Variants in ADAMTS2 observed in about 807,000 individuals in gnomAD.
The protein encoded by ADAMTS2 is A disintegrin and metalloproteinase with thrombospondin motifs 2.
In ADAMTS2, 50 loss-of-function variants were observed where a neutral mutation model predicts 123.0. The observed-to-expected ratio is 0.41, with a 90% confidence interval of 0.32 to 0.51. ADAMTS2 has a LOEUF of 0.51. ADAMTS2 is among the 20% of genes least tolerant of loss of function. ADAMTS2 has a pLI of 0.35. For synonymous variants in ADAMTS2, 678 were observed against 695.4 expected (o/e 0.98, Z 0.39); for missense variants, 1,494 against 1,705.2 (o/e 0.88, Z 2.18).
At chr5:179,206,034 C>T (rs439252) in intron 4 of ADAMTS2, among the ~76,000 whole-genome samples, 35,396 of 152,088 alleles carry the variant, frequency 0.23, 4,393 homozygotes, top group Middle Eastern at 0.32. Context: ...GCTGGGATTA[C>T]AGGCGTGAGC....
Position 179,121,676 on chromosome 5 carries a change from G to A in ADAMTS2, c.3163C>T (p.Arg1055Trp), listed in dbSNP as rs760609413. Residue 1055 changes from arginine to tryptophan, a missense_variant, in exon 21 of 22, where the codon CGG (arginine) becomes TGG (tryptophan). By Grantham distance (101) the Arg-to-Trp change is moderately radical. Coordinates refer to ENST00000251582, the MANE Select transcript of ADAMTS2 (RefSeq NM_014244.5). ...GGTCGGTTACTTGACGAGATCTTCC[G>A]GATGGGCGAGTCGGGGTCCGGGCGG... Reference protein sequence around the residue: ...LSRPDPDSPIRKISSKGHCQG... With the variant: ...LSRPDPDSPIWKISSKGHCQG... 3 of 1,599,710 alleles carry A rather than the reference G, an allele frequency of 1.9e-6. No homozygotes were observed. Among genetic ancestry groups the A allele is most frequent in the Non-Finnish European group, 1.7e-6 (2 of 1,173,078 alleles).
In ADAMTS2 at chr5:179,215,558, A is replaced by G. The variant is rs928953274; in HGVS notation, c.689-7843T>C. Among the ~76,000 whole-genome samples the G allele has an allele frequency of 3.3e-5, 5 of 152,234 alleles. No homozygotes were observed. The South Asian group carries it at 8.3e-4, about 25-fold the overall frequency. On this transcript the variant is annotated intron_variant, in intron 3 of 21. Transcript: ENST00000251582. Reference sequence around the variant, plus strand: ...CAGATATCTGATTTGGCTCCTTTCTAGAATCCCATTAAAAGTTCAGTAAAG... The same window carrying G: ...CAGATATCTGATTTGGCTCCTTTCTGGAATCCCATTAAAAGTTCAGTAAAG...
chr5:179,223,742 AGT>A (rs1349527376), intron 3 of ADAMTS2, among the ~76,000 whole-genome samples: 1 of 152,116 alleles, frequency 6.6e-6, no homozygotes, highest in Non-Finnish European at 1.5e-5. Flanking sequence ...ATCACATGTG[AGT>A]GTATGTGAGT....
intron 3 of ADAMTS2, among the ~76,000 whole-genome samples, chr5:179,210,770 C>A (rs1764831736): frequency 6.6e-6 from 1 of 152,228 alleles, no homozygotes; most frequent in Admixed American, 6.5e-5. Context: ...CCCCTCCTGT[C>A]CTCCTCTGTC....
chr5:179,136,671 C>CAA (rs34900361), intron 12 of ADAMTS2, among the ~76,000 whole-genome samples: 7 of 59,104 alleles, frequency 1.2e-4, no homozygotes, highest in East Asian at 5.4e-4. Flanking sequence ...GACTCCATCT[C>CAA]AAAAAAAAAA....
At chr5:179,143,698 G>A (rs954431835) in intron 10 of ADAMTS2, among the ~76,000 whole-genome samples, 6 of 152,124 alleles carry the variant, frequency 3.9e-5, no homozygotes, top group African/African-American at 1.2e-4. Flanking sequence ...CTGCTGACGT[G>A]AGGACAAATA....
At chr5:179,215,462 A>G (rs1292929926) in intron 3 of ADAMTS2, among the ~76,000 whole-genome samples, 1 of 152,228 alleles carries the variant, frequency 6.6e-6, no homozygotes, top group Non-Finnish European at 1.5e-5. Flanking sequence ...AACACAAAAC[A>G]AAACAAAAAA....
chr5:179,216,036 T>TGTGCA (rs1244904724), intron 3 of ADAMTS2, among the ~76,000 whole-genome samples: 2 of 152,000 alleles, frequency 1.3e-5, no homozygotes, highest in African/African-American at 4.8e-5. Flanking sequence ...TACTGAAAGG[T>TGTGCA]GTGCACCATC....
chr5:179,211,431 G>C (rs1764847282), intron 3 of ADAMTS2, among the ~76,000 whole-genome samples: 1 of 152,232 alleles, frequency 6.6e-6, no homozygotes, highest in Non-Finnish European at 1.5e-5. Context: ...ACCCTGAAGG[G>C]AGGTGTCTGT....
rs75702344 is a variant in ADAMTS2 at position 179,129,490 on chromosome 5, C to T, written c.2457+442G>A. ...GAAAGTGATTTGAAAATCCAGCCCC[C>T]GTGGTACTTTCCTACAACCAGGAGA... On this transcript the variant is annotated intron_variant, in intron 16 of 21. Transcript: ENST00000251582. The surrounding 1 kb of genome is among the most constrained non-coding windows in gnomAD (Gnocchi z 4.1). Among the ~76,000 whole-genome samples, 8 of 152,184 alleles carry T rather than the reference C, an allele frequency of 5.3e-5. No homozygotes were observed. Among genetic ancestry groups the T allele is most frequent in the African/African-American group, 1.4e-4 (6 of 41,446 alleles).
chr5:179,170,895 C>T lies in ADAMTS2; in HGVS notation c.975+10177G>A, dbSNP rs566671066. ...GGGCACAAGGATACATCTCCTCCCA[C>T]GTTCATCAGACACCTCAGAGACCTG... On this transcript the variant is annotated intron_variant, in intron 5 of 21. Transcript: ENST00000251582. The surrounding 1 kb of genome is among the most constrained non-coding windows in gnomAD (Gnocchi z 4.3). 1.4e-4 allele frequency among the ~76,000 whole-genome samples: 21 copies of T among 152,308 alleles called. No individual in the cohort carries two copies. Among genetic ancestry groups the T allele is most frequent in the Non-Finnish European group, 2.1e-4 (14 of 68,026 alleles).
chr5:179,296,313 T>C (rs1408501277), intron 2 of ADAMTS2, among the ~76,000 whole-genome samples: 1 of 151,474 alleles, frequency 6.6e-6, no homozygotes, highest in Non-Finnish European at 1.5e-5. Context: ...GCAGGGGCAA[T>C]GCCGGGGCCT....
chr5:179,333,920 G>A (rs1757543300), intron 2 of ADAMTS2, among the ~76,000 whole-genome samples: 1 of 152,138 alleles, frequency 6.6e-6, no homozygotes, highest in African/African-American at 2.4e-5. Flanking sequence ...GGAGGGAAAT[G>A]TCTTTGCTTG....
chr5:179,200,182 T>A lies in ADAMTS2; in HGVS notation c.891+7331A>T, dbSNP rs186241543. ...GCCAGATATTGAGGGGAAATAAGAA[T>A]GCATTGCATGTAATACATTGGCTCC... is the stretch of plus-strand genomic sequence containing the variant. On this transcript the variant is annotated intron_variant, in intron 4 of 21. Transcript: ENST00000251582. Among the ~76,000 whole-genome samples, 737 of 151,702 alleles carry A rather than the reference T, an allele frequency of 4.9e-3. 20 individuals carry two copies. Among genetic ancestry groups the A allele is most frequent in the Admixed American group, 0.042 (638 of 15,218 alleles).
chr5:179,195,712 C>A (rs931683645), intron 4 of ADAMTS2, among the ~76,000 whole-genome samples: 6 of 152,208 alleles, frequency 3.9e-5, no homozygotes, highest in Admixed American at 2.6e-4. Flanking sequence ...CTCTTCTGAG[C>A]CTTGCGTGCA....
chr5:179,224,362 T>G (rs1362251577), intron 3 of ADAMTS2, among the ~76,000 whole-genome samples: 1 of 152,208 alleles, frequency 6.6e-6, no homozygotes, highest in Non-Finnish European at 1.5e-5. Flanking sequence ...CACTCGGGCC[T>G]CCCTGACCCT....
In ADAMTS2 at chr5:179,207,495, CTCA is replaced by C; in HGVS notation, c.891+15_891+17del. The C allele has an allele frequency of 6.4e-7, 1 of 1,558,884 alleles. No individual in the cohort carries two copies. The highest frequency in any genetic ancestry group is 8.8e-7 in the Non-Finnish European group (1 of 1,135,396). On this transcript the variant is annotated intron_variant, in intron 4 of 21. Transcript: ENST00000251582. ...GACCCTCCCCGCCCCACCCTGCCCC[CTCA>C]GCCACCCCACTCACAATGTTCATGA...
rs1757503321 is a variant in ADAMTS2, at chr5:179,332,339, G to A, written c.534+11428C>T. The stretch of plus-strand genomic sequence containing the variant: ...GCTCTCCAAACCTTGTCATTTAGGG[G>A]TTTTCATGGAAGTTCCATGACTCCC... On this transcript the variant is annotated intron_variant, in intron 2 of 21. Coordinates refer to ENST00000251582, the MANE Select transcript of ADAMTS2 (RefSeq NM_014244.5). This position sits in a 1 kb window ranked among gnomAD's most constrained non-coding sequence, Gnocchi z 4.2. Among the ~76,000 whole-genome samples the A allele has an allele frequency of 6.6e-6, 1 of 152,170 alleles. No homozygotes were observed. Among genetic ancestry groups the A allele is most frequent in the Non-Finnish European group, 1.5e-5 (1 of 68,034 alleles).
chr5:179,206,507 G>A (rs1188503519), intron 4 of ADAMTS2, among the ~76,000 whole-genome samples: 1 of 152,086 alleles, frequency 6.6e-6, no homozygotes, highest in Non-Finnish European at 1.5e-5. Context: ...CACCTGCCCG[G>A]CTTCCACACC....
Sources: allele counts gnomAD v4.1 joint callset (sites outside exome capture counted in the v4.1 genomes callset), GRCh38; gene constraint gnomAD v4.1.1; non-coding constraint Gnocchi (gnomAD v3.1); transcripts MANE v1.5; gene names NCBI Gene and HGNC (gene_info 2026-07-23, HGNC 2026-07-21).